PTPRD: variants seen among roughly 807,000 people sequenced by gnomAD.
PTPRD encodes protein tyrosine phosphatase receptor type D.
A neutral mutation model predicts 214.5 loss-of-function variants in PTPRD; 34 were observed. The ratio of observed to expected loss-of-function variants is 0.16; its 90% confidence interval spans 0.12 to 0.21. The LOEUF (loss-of-function observed/expected upper bound fraction) is 0.21. Among genes scored for constraint, PTPRD ranks in the 10% least tolerant of loss-of-function variants. The probability of loss-of-function intolerance (pLI) is 1.00; values close to 1 mark genes in which losing one functional copy is unlikely to be tolerated. For missense variants in PTPRD, 2,545 were observed against 2,398.7 expected (o/e 1.06, Z -1.27); for synonymous variants, 1,128 against 845.7 (o/e 1.33, Z -5.79).
intron 4 of PTPRD, among the ~76,000 whole-genome samples, chr9:9,982,039 C>T (rs2095559438): frequency 6.6e-6 from 1 of 152,110 alleles, no homozygotes; most frequent in African/African-American, 2.4e-5. Flanking sequence ...ATTTGCTTTA[C>T]CAGATTGCTT....
chr9:9,305,893 C>A (rs995145517), intron 9 of PTPRD, among the ~76,000 whole-genome samples: 5 of 151,890 alleles, frequency 3.3e-5, no homozygotes, highest in Admixed American at 2.0e-4. Context: ...GAATTTTTTT[C>A]CTAGCTCTTT....
intron 3 of PTPRD, among the ~76,000 whole-genome samples, chr9:10,173,347 T>G (rs943007701): frequency 5.3e-5 from 8 of 152,170 alleles, no homozygotes; most frequent in Admixed American, 6.5e-5. Flanking sequence ...AAGGTATTAT[T>G]TTTACTATTA....
At chr9:9,917,686 G>A (rs982347509) in intron 5 of PTPRD, among the ~76,000 whole-genome samples, 2 of 151,820 alleles carry the variant, frequency 1.3e-5, no homozygotes, top group African/African-American at 4.8e-5. Flanking sequence ...AGACACAAAA[G>A]TCTTAAACAA....
chr9:8,530,090 G>A lies in PTPRD; in HGVS notation c.353-1311C>T, dbSNP rs1275215390. Among the ~76,000 whole-genome samples the A allele has an allele frequency of 3.9e-5, 6 of 152,142 alleles. No homozygotes were observed. The South Asian group carries it at 1.2e-3, about 32-fold the overall frequency. On this transcript the variant is annotated intron_variant, in intron 14 of 45. Transcript: ENST00000381196. ...CCTTGGGTGCCTCCTACAAGCTCCA[G>A]TATAATCCATGAATTCACAGTTGAT...
chr9:8,646,694 T>G (rs2096701049), intron 12 of PTPRD, among the ~76,000 whole-genome samples: 1 of 152,194 alleles, frequency 6.6e-6, no homozygotes, highest in Admixed American at 6.5e-5. Context: ...CTTTTATGAA[T>G]CACAATAGTC....
At chr9:8,816,017 C>G (rs986732334) in intron 11 of PTPRD, among the ~76,000 whole-genome samples, 4 of 152,172 alleles carry the variant, frequency 2.6e-5, no homozygotes, top group Non-Finnish European at 5.9e-5. Context: ...CAAAGGAAAT[C>G]TCAAATGTAA....
intron 11 of PTPRD, among the ~76,000 whole-genome samples, chr9:8,869,842 A>G (rs1459121927): frequency 6.6e-6 from 1 of 152,104 alleles, no homozygotes; most frequent in African/African-American, 2.4e-5. Flanking sequence ...CCTGCTCTGA[A>G]GAAAGCCTCT....
At chr9:9,955,555 G>A (rs141244638) in intron 4 of PTPRD, among the ~76,000 whole-genome samples, 501 of 147,412 alleles carry the variant, frequency 3.4e-3, no homozygotes, top group African/African-American at 0.012. Flanking sequence ...ACAGAGTCTC[G>A]CTCTGTCGCC....
At chr9:9,507,082 C>T (rs2096587248) in intron 8 of PTPRD, among the ~76,000 whole-genome samples, 1 of 151,186 alleles carries the variant, frequency 6.6e-6, no homozygotes, top group Non-Finnish European at 1.5e-5. Context: ...AATTATGTTC[C>T]TGCCAGAAGT....
At chr9:9,962,071 C>A (rs1460532445) in intron 4 of PTPRD, among the ~76,000 whole-genome samples, 2 of 152,022 alleles carry the variant, frequency 1.3e-5, no homozygotes, top group Non-Finnish European at 2.9e-5. Context: ...TTTTAGTTCA[C>A]CTAAGTTGCA....
chr9:9,275,191 T>TAAC (rs1189895634), intron 9 of PTPRD, among the ~76,000 whole-genome samples: 1 of 11,450 alleles, frequency 8.7e-5, no homozygotes, highest in African/African-American at 2.5e-4. Context: ...ATGTTATATA[T>TAAC]ATATATATTA....
intron 4 of PTPRD, among the ~76,000 whole-genome samples, chr9:9,939,917 C>T (rs2090929204): frequency 6.6e-6 from 1 of 152,192 alleles, no homozygotes; most frequent in African/African-American, 2.4e-5. Flanking sequence ...TCCACTTTAT[C>T]ACCTTCATTT....
intron 3 of PTPRD, among the ~76,000 whole-genome samples, chr9:10,144,537 A>C (rs2099009307): frequency 6.6e-6 from 1 of 152,110 alleles, no homozygotes; most frequent in South Asian, 2.1e-4. Flanking sequence ...ACTTTGACAA[A>C]GCACTCTATC....
rs182220259 is a variant in PTPRD at position 8,766,411 on chromosome 9, C to T, written c.-103-32465G>A. ...ACGGCATATTCTGCAGGGTCAGGTCCCCAATTTGCACCCTGAGCTGCCAGG... is the reference window on the plus strand; with the variant it reads ...ACGGCATATTCTGCAGGGTCAGGTCTCCAATTTGCACCCTGAGCTGCCAGG... On this transcript the variant is annotated intron_variant, in intron 11 of 45. Coordinates refer to ENST00000381196, the MANE Select transcript of PTPRD (RefSeq NM_002839.4). Among the ~76,000 whole-genome samples the T allele has an allele frequency of 1.4e-3, 208 of 152,130 alleles. 1 individual carries two copies. Among genetic ancestry groups the T allele is most frequent in the African/African-American group, 4.7e-3 (195 of 41,474 alleles).
chr9:10,585,724 C>A (rs1003369695), intron 2 of PTPRD, among the ~76,000 whole-genome samples: 2 of 151,884 alleles, frequency 1.3e-5, no homozygotes, highest in African/African-American at 4.8e-5. Context: ...CACACATACA[C>A]AAACACACCA....
intron 2 of PTPRD, among the ~76,000 whole-genome samples, chr9:10,422,814 G>A (rs1193225375): frequency 3.3e-5 from 5 of 152,110 alleles, no homozygotes; most frequent in Non-Finnish European, 7.4e-5. Flanking sequence ...AACAGATGCT[G>A]GAGTGGATGT....
chr9:9,791,387 G>C (rs1404646425), intron 5 of PTPRD, among the ~76,000 whole-genome samples: 2 of 152,016 alleles, frequency 1.3e-5, no homozygotes, highest in East Asian at 1.9e-4. Context: ...TAAGAAGTTT[G>C]TTTTGAACCT....
chr9:9,456,546 T>C (rs2093030161), intron 8 of PTPRD, among the ~76,000 whole-genome samples: 1 of 151,784 alleles, frequency 6.6e-6, no homozygotes, highest in African/African-American at 2.4e-5. Flanking sequence ...AATATAGAGT[T>C]AAAAATGTAT....
chr9:9,279,521 CTT>C (rs1300344324), intron 9 of PTPRD, among the ~76,000 whole-genome samples: 7 of 150,278 alleles, frequency 4.7e-5, no homozygotes, highest in Non-Finnish European at 8.9e-5. Context: ...TACTCATAAA[CTT>C]CATTCACATA....
Sources: gnomAD v4.1 joint callset for allele counts (sites outside exome capture counted in the v4.1 genomes callset) on GRCh38, gnomAD v4.1.1 for gene constraint, MANE v1.5 for transcripts, NCBI Gene and HGNC (gene_info 2026-07-23, HGNC 2026-07-21) for gene names.